SMPD4: variants seen among roughly 807,000 people sequenced by gnomAD.
SMPD4 encodes the protein sphingomyelin phosphodiesterase 4, also known as neutral sphingomyelinase 3.
SMPD4 carries 58 observed loss-of-function variants against 97.8 expected under a neutral mutation model. The observed-to-expected ratio is 0.59, with a 90% CI of 0.48 to 0.74. The LOEUF (loss-of-function observed/expected upper bound fraction) is 0.74. SMPD4 is among the 30% of genes least tolerant of loss of function. SMPD4 has a pLI of 0.00. For missense variants in SMPD4, 853 were observed against 1,080.5 expected (o/e 0.79, Z 2.95); for synonymous variants, 388 against 450.0 (o/e 0.86, Z 1.74).
At position 130,161,195 on chromosome 2, in the gene SMPD4, G is replaced by A. The variant is rs748345152; in HGVS notation, c.942C>T (p.His314=). ...SPAQPSLQAL[H]AYQESFTPTE... ...ACGAATGAGCCAGTACTTGGTAGGC[G>A]TGGAGGGCCTGGAGGCTGGGTTGGG... is the stretch of plus-strand genomic sequence containing the variant. Residue 314 remains histidine (H), a synonymous_variant, in exon 11 of 20, where the codon CAC becomes CAT. Coordinates refer to ENST00000680298, the MANE Select transcript of SMPD4 (RefSeq NM_017951.5). 12 of 1,613,234 alleles carry A rather than the reference G, an allele frequency of 7.4e-6. No individual in the cohort carries two copies. The highest frequency in any genetic ancestry group is 1.1e-5 in the South Asian group (1 of 91,038).
At chr2:130,171,360 C>T (rs1688450184) in intron 8 of SMPD4, among the ~76,000 whole-genome samples, 1 of 152,048 alleles carries the variant, frequency 6.6e-6, no homozygotes, top group Non-Finnish European at 1.5e-5. Flanking sequence ...ACCTTGGCCT[C>T]CCAAAGTGCT....
intron 11 of SMPD4, among the ~76,000 whole-genome samples, chr2:130,158,868 G>A (rs917935495): frequency 6.6e-6 from 1 of 152,170 alleles, no homozygotes; most frequent in Non-Finnish European, 1.5e-5. Flanking sequence ...CTGGTATGCT[G>A]TAGACCCCGC....
At chr2:130,156,714 TAAG>T (rs1350700953) in intron 12 of SMPD4, 39 bp from the exon 13 acceptor site, 1 of 1,596,610 alleles carries the variant, frequency 6.3e-7, no homozygotes, top group African/African-American at 1.3e-5. Context: ...GCTTGCCCAG[TAAG>T]GAGGCCCTGC....
chr2:130,155,349 C>T, intron 14 of SMPD4, 90 bp from the exon 15 acceptor site: 1 of 1,521,480 alleles, frequency 6.6e-7, no homozygotes, highest in Non-Finnish European at 8.9e-7. Flanking sequence ...CCTTGCTCAC[C>T]CTTGGGCTTT....
rs1185692277 is a variant in SMPD4, at chr2:130,172,610, G to C, written c.507+15C>G. 5 of 1,613,994 alleles carry C rather than the reference G, an allele frequency of 3.1e-6. No homozygotes were observed. Among genetic ancestry groups the C allele is most frequent in the South Asian group, 1.1e-5 (1 of 91,082 alleles). On this transcript the variant is annotated intron_variant, in intron 7 of 19. Transcript: ENST00000680298. ...GTGGCCCCACCTCTCCCAGCAAAAG[G>C]CATCCCTTCCTTACCTTCTGAGTGA...
At chr2:130,158,326 T>C in intron 11 of SMPD4, 1 of 1,139,904 alleles carries the variant, frequency 8.8e-7, no homozygotes, top group East Asian at 6.3e-5. Flanking sequence ...AAACTTTTTT[T>C]TTTTTTCTTG....
At chr2:130,160,281 G>C (rs7561926) in intron 11 of SMPD4, among the ~76,000 whole-genome samples, 1 of 152,294 alleles carries the variant, frequency 6.6e-6, no homozygotes, top group Non-Finnish European at 1.5e-5. Flanking sequence ...GTGCCCCTGT[G>C]TGCTGTGGCC....
At chr2:130,167,278 G>A (rs1688027355) in intron 9 of SMPD4, among the ~76,000 whole-genome samples, 180 bp downstream of exon 9, 1 of 152,082 alleles carries the variant, frequency 6.6e-6, no homozygotes, top group South Asian at 2.1e-4. Context: ...CTGCCACCAC[G>A]CCCAACTAAT....
chr2:130,167,705 T>G, intron 8 of SMPD4, 115 bp from the exon 9 acceptor site: 1 of 1,161,146 alleles, frequency 8.6e-7, no homozygotes, highest in Non-Finnish European at 1.2e-6. Flanking sequence ...GATTACAACT[T>G]GTTCAATAGC....
At chr2:130,164,798 T>C (rs532311959) in intron 9 of SMPD4, among the ~76,000 whole-genome samples, 107 of 151,884 alleles carry the variant, frequency 7.0e-4, no homozygotes, top group Non-Finnish European at 1.3e-3. Flanking sequence ...CATGAAAAAA[T>C]ACTATAGATA....
At chr2:130,181,454 G>C in intron 1 of SMPD4, 76 bp downstream of exon 1, 2 of 1,535,908 alleles carry the variant, frequency 1.3e-6, no homozygotes, top group East Asian at 2.5e-5. Flanking sequence ...CGGAGGAACG[G>C]AGATGGCCTC....
intron 1 of SMPD4, among the ~76,000 whole-genome samples, chr2:130,179,066 G>C (rs2104929547): frequency 6.6e-6 from 1 of 152,206 alleles, no homozygotes; most frequent in African/African-American, 2.4e-5. Flanking sequence ...TAGAGTGAGA[G>C]GAGACAGGAA....
intron 10 of SMPD4, among the ~76,000 whole-genome samples, 176 bp downstream of exon 10, chr2:130,164,198 G>A (rs1464565276): frequency 2.6e-5 from 4 of 152,106 alleles, no homozygotes; most frequent in Non-Finnish European, 2.9e-5. Flanking sequence ...CCCCCTGCCC[G>A]CCACCGGAAA....
chr2:130,167,560 G>A lies in SMPD4; in HGVS notation c.690C>T (p.Gly230=). 6.2e-7 allele frequency: 1 copy of A among 1,613,060 alleles called. No individual in the cohort carries two copies. Residue 230 remains glycine, a synonymous_variant, in exon 9 of 20, where the codon GGC becomes GGT. Transcript: ENST00000680298. ...GCTTTAGGAGGCTAGTGTGGTGGAG[G>A]CCATAGGAAGCAAAGGGTATGGCTG... The part of the protein sequence containing the change: ...RTPAIPFASY[G]LHHTSLLKRH...
intron 10 of SMPD4, among the ~76,000 whole-genome samples, chr2:130,161,794 G>A (rs1251343522): frequency 2.6e-5 from 4 of 152,194 alleles, no homozygotes; most frequent in Non-Finnish European, 5.9e-5. Flanking sequence ...AAAGAAACCA[G>A]CGGAGCATGT....
At chr2:130,177,887 A>G (rs959830250) in intron 1 of SMPD4, among the ~76,000 whole-genome samples, 2 of 152,162 alleles carry the variant, frequency 1.3e-5, no homozygotes, top group South Asian at 2.1e-4. Flanking sequence ...TAAAGATAGC[A>G]GCCCAAGATT....
intron 9 of SMPD4, among the ~76,000 whole-genome samples, chr2:130,166,079 T>C (rs1687899562): frequency 6.6e-6 from 1 of 152,038 alleles, no homozygotes; most frequent in Non-Finnish European, 1.5e-5. Context: ...CCCAACACTT[T>C]GGGAGGCCAA....
intron 1 of SMPD4, 70 bp from the exon 2 acceptor site, chr2:130,176,707 AG>A: frequency 7.6e-7 from 1 of 1,320,340 alleles, no homozygotes; most frequent in African/African-American, 1.5e-5. Context: ...ATTTTTTTAG[AG>A]ACAGGGTCTT....
rs1432147503 is a variant in SMPD4 at position 130,167,223 on chromosome 2, C to T, written c.792+235G>A. Among the ~76,000 whole-genome samples the T allele has an allele frequency of 9.9e-5, 15 of 152,038 alleles. No homozygotes were observed. In the East Asian group the frequency reaches 2.5e-3, roughly 26 times the overall value. ...GCAGCCTCCACCTCCTGGGTTCAAG[C>T]GATTCTCCCGCCTCAGCCTCCCGAG... On this transcript the variant is annotated intron_variant, in intron 9 of 19. Transcript: ENST00000680298.
Sources: gnomAD v4.1 joint callset for allele counts (sites outside exome capture counted in the v4.1 genomes callset) on GRCh38, gnomAD v4.1.1 for gene constraint, MANE v1.5 for transcripts, NCBI Gene and HGNC (gene_info 2026-07-23, HGNC 2026-07-21) for gene names.